Variants in DRC11 observed in about 807,000 individuals in gnomAD.
DRC11 encodes the protein IQ and AAA domain-containing protein 1.
At chr2:236,376,988 C>T in the DRC11 span, 14 of 659,866 alleles carry the variant, frequency 2.1e-5, no homozygotes, top group East Asian at 5.4e-5. This position sits in a 1 kb window ranked among gnomAD's most constrained non-coding sequence, Gnocchi z 5.7. Flanking sequence ...GAGCCACCAT[C>T]GGCCAGGTTT....
At chr2:236,413,148 C>A in the DRC11 span, among the ~76,000 whole-genome samples, 1 of 152,136 alleles carries the variant, frequency 6.6e-6, no homozygotes, top group East Asian at 1.9e-4. This position sits in a 1 kb window ranked among gnomAD's most constrained non-coding sequence, Gnocchi z 4.0. Flanking sequence ...CCTGTGTAAC[C>A]AAATATATCC....
chr2:236,318,009 G>A, the DRC11 span, among the ~76,000 whole-genome samples: 3 of 152,230 alleles, frequency 2.0e-5, no homozygotes, highest in Non-Finnish European at 4.4e-5. This position sits in a 1 kb window ranked among gnomAD's most constrained non-coding sequence, Gnocchi z 7.0. Context: ...CTCACGGTGC[G>A]GTGTAGGGGA....
the DRC11 span, among the ~76,000 whole-genome samples, chr2:236,356,066 G>A: frequency 2.0e-5 from 3 of 152,232 alleles, no homozygotes; most frequent in African/African-American, 4.8e-5. Context: ...TGTGGGCCAC[G>A]TGTCCTACAG....
the DRC11 span, among the ~76,000 whole-genome samples, chr2:236,459,530 TATAC>T: frequency 1.8e-5 from 2 of 108,716 alleles, no homozygotes; most frequent in Admixed American, 8.6e-5. Context: ...TGTATACATG[TATAC>T]GTATACGTAT....
At chr2:236,477,648 G>C in the DRC11 span, among the ~76,000 whole-genome samples, 1 of 152,122 alleles carries the variant, frequency 6.6e-6, no homozygotes, top group African/African-American at 2.4e-5. Flanking sequence ...GAATTTGGTA[G>C]GGAATCCATC....
At chr2:236,380,473 A>G in the DRC11 span, 1 of 900,122 alleles carries the variant, frequency 1.1e-6, no homozygotes, top group Non-Finnish European at 1.8e-6. The surrounding 1 kb of genome is among the most constrained non-coding windows in gnomAD (Gnocchi z 4.9). Flanking sequence ...GAGGATGAAG[A>G]GGGCGTGGCA....
At chr2:236,484,233 T>C in the DRC11 span, among the ~76,000 whole-genome samples, 3 of 152,194 alleles carry the variant, frequency 2.0e-5, no homozygotes, top group African/African-American at 7.2e-5. Flanking sequence ...GTACACAGAA[T>C]TGGCAAAATG....
the DRC11 span, among the ~76,000 whole-genome samples, chr2:236,341,354 C>G: frequency 3.9e-5 from 6 of 152,284 alleles, no homozygotes; most frequent in African/African-American, 1.4e-4. Flanking sequence ...GGAGGAGACG[C>G]TACTCTCCTA....
At chr2:236,502,611 G>GA in the DRC11 span, among the ~76,000 whole-genome samples, 12 of 95,492 alleles carry the variant, frequency 1.3e-4, no homozygotes, top group East Asian at 5.5e-4. Context: ...TTAATGCAGA[G>GA]AAAAAAAATG....
chr2:236,350,719 C>G, the DRC11 span, among the ~76,000 whole-genome samples: 3 of 152,214 alleles, frequency 2.0e-5, no homozygotes, highest in Non-Finnish European at 4.4e-5. The surrounding 1 kb of genome is among the most constrained non-coding windows in gnomAD (Gnocchi z 5.2). Context: ...GATGGGATGC[C>G]TATTCCTTGA....
the DRC11 span, chr2:236,324,686 T>A: frequency 6.5e-7 from 1 of 1,530,210 alleles, no homozygotes; most frequent in Admixed American, 1.8e-5. The surrounding 1 kb of genome is among the most constrained non-coding windows in gnomAD (Gnocchi z 5.7). Context: ...TTTCTCTTTC[T>A]TTTATTTCCT....
At chr2:236,383,554 T>A in the DRC11 span, among the ~76,000 whole-genome samples, 2 of 152,170 alleles carry the variant, frequency 1.3e-5, no homozygotes, top group Middle Eastern at 3.2e-3. Flanking sequence ...TCTTTTTTAA[T>A]GTAGGCATTT....
chr2:236,478,277 T>A, the DRC11 span, among the ~76,000 whole-genome samples: 2 of 152,214 alleles, frequency 1.3e-5, no homozygotes, highest in African/African-American at 2.4e-5. This position sits in a 1 kb window ranked among gnomAD's most constrained non-coding sequence, Gnocchi z 5.9. Flanking sequence ...ACTTTTAAAA[T>A]TTTCCTCTTA....
chr2:236,420,169 G>T, the DRC11 span, among the ~76,000 whole-genome samples: 1 of 152,206 alleles, frequency 6.6e-6, no homozygotes, highest in Non-Finnish European at 1.5e-5. This position sits in a 1 kb window ranked among gnomAD's most constrained non-coding sequence, Gnocchi z 4.8. Flanking sequence ...ACGCATGGGG[G>T]TTGCTGTTGT....
the DRC11 span, among the ~76,000 whole-genome samples, chr2:236,452,342 T>C: frequency 6.6e-6 from 1 of 152,106 alleles, no homozygotes; most frequent in African/African-American, 2.4e-5. The surrounding 1 kb of genome is among the most constrained non-coding windows in gnomAD (Gnocchi z 4.7). Context: ...GGGCCTCACA[T>C]TTCAGACTCA....
At chr2:236,385,145 C>T in the DRC11 span, among the ~76,000 whole-genome samples, 1 of 151,894 alleles carries the variant, frequency 6.6e-6, no homozygotes, top group East Asian at 1.9e-4. Flanking sequence ...GCGACGCGGG[C>T]TCTTTTTTGG....
chr2:236,357,669 T>C, the DRC11 span, among the ~76,000 whole-genome samples: 6 of 122,814 alleles, frequency 4.9e-5, no homozygotes, highest in Admixed American at 5.2e-4. Flanking sequence ...TCATAATACA[T>C]AAATATATAT....
the DRC11 span, chr2:236,465,628 A>G: frequency 3.1e-6 from 5 of 1,613,730 alleles, no homozygotes; most frequent in African/African-American, 2.7e-5. This position sits in a 1 kb window ranked among gnomAD's most constrained non-coding sequence, Gnocchi z 6.2. Context: ...TTCATGCTTT[A>G]TCTGCACCTC....
the DRC11 span, among the ~76,000 whole-genome samples, chr2:236,444,000 G>C: frequency 1.3e-5 from 2 of 148,154 alleles, no homozygotes; most frequent in Non-Finnish European, 3.0e-5. The surrounding 1 kb of genome is among the most constrained non-coding windows in gnomAD (Gnocchi z 4.4). Flanking sequence ...TTTTTGAGAA[G>C]TGTCTGTTCA....
Sources: gnomAD v4.1 joint callset for allele counts (sites outside exome capture counted in the v4.1 genomes callset) on GRCh38, gnomAD v4.1.1 for gene constraint, Gnocchi (gnomAD v3.1) non-coding constraint, MANE v1.5 for transcripts, NCBI Gene and HGNC (gene_info 2026-07-23, HGNC 2026-07-21) for gene names.